CACNA1A: variants seen among roughly 807,000 people sequenced by gnomAD.
CACNA1A encodes the protein voltage-dependent P/Q-type calcium channel subunit alpha-1A.
CACNA1A carries 57 observed loss-of-function variants against 262.4 expected under a neutral mutation model. That is an observed-to-expected ratio of 0.22 (90% CI 0.18 to 0.27). CACNA1A has a LOEUF of 0.27. CACNA1A is among the 10% of genes least tolerant of loss of function. The pLI is 1.00. For missense variants in CACNA1A, 2,526 were observed against 3,562.8 expected (o/e 0.71, Z 7.41); for synonymous variants, 1,431 against 1,419.3 (o/e 1.01, Z -0.18).
Position 13,283,384 on chromosome 19 carries a change from C to G in CACNA1A, c.3705G>C (p.Leu1235=). 1 of 1,613,964 alleles carries G rather than the reference C, an allele frequency of 6.2e-7. No individual in the cohort carries two copies. Among genetic ancestry groups the G allele is most frequent in the South Asian group, 1.1e-5 (1 of 91,080 alleles). ...ILSTTNPLRR[L]CHYILNLRYF... is the part of the protein sequence containing the mutation. Reference sequence around the variant, plus strand: ...AGCGCAGGTTCAGGATGTAATGGCACAGGCGGCGAAGGCTGTTGGAGACAG... The same window carrying G: ...AGCGCAGGTTCAGGATGTAATGGCAGAGGCGGCGAAGGCTGTTGGAGACAG... The change falls in exon 22 of 47, where the codon CTG becomes CTC. Residue 1235 remains leucine, a synonymous_variant. Transcript: ENST00000360228.
intron 31 of CACNA1A, chr19:13,244,208 C>T (rs1486430744): frequency 6.6e-6 from 1 of 152,258 alleles, no homozygotes; most frequent in East Asian, 1.9e-4. Flanking sequence ...TCGCTGGACA[C>T]CTTGCCACCC....
intron 31 of CACNA1A, among the ~76,000 whole-genome samples, chr19:13,240,241 C>T (rs1382691153): frequency 6.6e-6 from 1 of 151,336 alleles, no homozygotes; most frequent in African/African-American, 2.4e-5. Context: ...AGTGTCTGTA[C>T]ATGCAGTGAC....
intron 3 of CACNA1A, among the ~76,000 whole-genome samples, chr19:13,383,547 C>A (rs1164544288): frequency 1.3e-5 from 2 of 152,176 alleles, no homozygotes; most frequent in African/African-American, 4.8e-5. Context: ...CTCCTGCTGA[C>A]CACCTTGTCC....
intron 9 of CACNA1A, among the ~76,000 whole-genome samples, chr19:13,331,622 T>C (rs10412631): frequency 0.044 from 6,750 of 152,278 alleles, 485 homozygotes; most frequent in African/African-American, 0.15. Flanking sequence ...ATTTTTCTTA[T>C]TGCTGTTATT....
intron 3 of CACNA1A, among the ~76,000 whole-genome samples, chr19:13,420,200 A>C (rs974728590): frequency 1.3e-5 from 2 of 151,752 alleles, no homozygotes; most frequent in Non-Finnish European, 2.9e-5. Context: ...TATTTTTATA[A>C]AGTTATGTGG....
chr19:13,319,493 A>G (rs1774311902), intron 10 of CACNA1A, among the ~76,000 whole-genome samples: 1 of 152,090 alleles, frequency 6.6e-6, no homozygotes, highest in African/African-American at 2.4e-5. Flanking sequence ...CCATTCACCC[A>G]TACATCCATC....
At chr19:13,502,797 C>T (rs1218523447) in intron 1 of CACNA1A, among the ~76,000 whole-genome samples, 1 of 152,154 alleles carries the variant, frequency 6.6e-6, no homozygotes, top group Non-Finnish European at 1.5e-5. Context: ...TGACAAATTG[C>T]CCCGAGTGTG....
intron 3 of CACNA1A, among the ~76,000 whole-genome samples, chr19:13,421,303 C>T (rs10425807): frequency 0.1 from 15,230 of 151,916 alleles, 2,504 homozygotes; most frequent in African/African-American, 0.35. Flanking sequence ...AGTATGGCAG[C>T]ATACCTTTGC....
chr19:13,267,710 A>T (rs2056896236), intron 24 of CACNA1A, among the ~76,000 whole-genome samples: 1 of 151,988 alleles, frequency 6.6e-6, no homozygotes, highest in Non-Finnish European at 1.5e-5. Context: ...TGGGAGGACG[A>T]GTTGGGAAGA....
chr19:13,390,194 G>C (rs761973739), intron 3 of CACNA1A, among the ~76,000 whole-genome samples: 6 of 151,598 alleles, frequency 4.0e-5, no homozygotes, highest in Non-Finnish European at 8.8e-5. Flanking sequence ...ATAGTTCACT[G>C]CAGCCTCAAA....
At position 13,331,275 on chromosome 19, in the gene CACNA1A, C is replaced by T. The variant is rs149482539; in HGVS notation, c.1256-942G>A. 8.3e-3 allele frequency among the ~76,000 whole-genome samples: 1,270 copies of T among 152,160 alleles called. 10 individuals are homozygous for T. The highest frequency in any genetic ancestry group is 0.014 in the Non-Finnish European group (947 of 67,990). On this transcript the variant is annotated intron_variant, in intron 9 of 46. Transcript: ENST00000360228. ...TTTTTGAGACAGAGTCTTGCTCTGT[C>T]GCCTAGGCTGGAGTGCAGTGGTGTG...
Position 13,300,572 on chromosome 19 carries a change from C to T in CACNA1A, c.2257G>A (p.Ala753Thr), listed in dbSNP as rs17846944. The change falls in exon 18 of 47, where the codon GCG becomes ACG. Residue 753 changes from alanine (A) to threonine (T), a missense_variant. Physicochemically the swap from Ala to Thr is moderately conservative, Grantham distance 58 (BLOSUM62 0). Around this residue, in one of 17 missense-constraint regions of CACNA1A, gnomAD observed 765 missense variants for 748.6 expected, o/e 1.02. Coordinates refer to ENST00000360228, the MANE Select transcript of CACNA1A (RefSeq NM_001127222.2). ...TACACAGCTATAGACATGTTGGCCG[C>T]GGACAGAGGACTCACTTCTGCCACC... ...KEVAEVSPLS[A>T]ANMSIAVKEQ... is the part of the protein sequence containing the mutation. 111 of 1,613,312 alleles carry T rather than the reference C, an allele frequency of 6.9e-5. No individual in the cohort carries two copies. Among genetic ancestry groups the T allele is most frequent in the Non-Finnish European group, 9.2e-5 (108 of 1,179,424 alleles).
chr19:13,477,075 T>G (rs1978637257), intron 1 of CACNA1A, among the ~76,000 whole-genome samples: 1 of 152,090 alleles, frequency 6.6e-6, no homozygotes, highest in Non-Finnish European at 1.5e-5. Flanking sequence ...CCTTGCACCT[T>G]CCCTCTCTCT....
intron 3 of CACNA1A, among the ~76,000 whole-genome samples, chr19:13,400,425 C>A (rs1054240000): frequency 8.5e-5 from 13 of 152,108 alleles, no homozygotes; most frequent in Non-Finnish European, 1.9e-4. Flanking sequence ...GTGTCCCAGT[C>A]CTTGTCAATT....
intron 3 of CACNA1A, among the ~76,000 whole-genome samples, chr19:13,434,043 G>A (rs926253110): frequency 2.6e-5 from 4 of 152,258 alleles, no homozygotes; most frequent in East Asian, 1.9e-4. Flanking sequence ...TTTTCTGAAC[G>A]TCAGTTTTCT....
chr19:13,382,912 A>G (rs1386862533), intron 3 of CACNA1A, among the ~76,000 whole-genome samples: 1 of 152,204 alleles, frequency 6.6e-6, no homozygotes, highest in Non-Finnish European at 1.5e-5. Flanking sequence ...TAAAGACCAG[A>G]TAAGTTAATC....
At chr19:13,489,187 T>G (rs57657141) in intron 1 of CACNA1A, among the ~76,000 whole-genome samples, 1 of 151,656 alleles carries the variant, frequency 6.6e-6, no homozygotes, top group Non-Finnish European at 1.5e-5. Flanking sequence ...AATTTTTGTA[T>G]TTTTAGTAGA....
chr19:13,321,223 G>A (rs1166927151), intron 10 of CACNA1A, among the ~76,000 whole-genome samples: 1 of 151,768 alleles, frequency 6.6e-6, no homozygotes, highest in Admixed American at 6.6e-5. Context: ...TAGTAAAGAT[G>A]GTGTTTTGCC....
At chr19:13,209,263 T>A (rs1600081140) in intron 45 of CACNA1A, 49 bp downstream of exon 45, 1 of 1,433,646 alleles carries the variant, frequency 7.0e-7, no homozygotes, top group Non-Finnish European at 9.2e-7. Flanking sequence ...TCTCCTCCCC[T>A]CTCCTCTCCT....
Sources: gnomAD v4.1 joint callset for allele counts (sites outside exome capture counted in the v4.1 genomes callset) on GRCh38, gnomAD v4.1.1 for gene constraint, gnomAD v4.1.1 regional missense constraint, MANE v1.5 for transcripts, NCBI Gene and HGNC (gene_info 2026-07-23, HGNC 2026-07-21) for gene names.